GALNT10: variants seen among roughly 807,000 people sequenced by gnomAD.
GALNT10 encodes polypeptide N-acetylgalactosaminyltransferase 10.
GALNT10 carries 41 observed loss-of-function variants against 75.0 expected under a neutral mutation model. The ratio of observed to expected loss-of-function variants is 0.55; its 90% CI spans 0.43 to 0.71. The LOEUF is 0.71. Ranked by LOEUF, GALNT10 falls within the 30% of genes least tolerant of loss-of-function variation. GALNT10 has a pLI of 0.00. For missense variants in GALNT10, 727 were observed against 818.5 expected (o/e 0.89, Z 1.36); for synonymous variants, 302 against 313.0 (o/e 0.96, Z 0.37).
At chr5:154,373,878 A>G (rs1402386479) in intron 4 of GALNT10, among the ~76,000 whole-genome samples, 2 of 152,160 alleles carry the variant, frequency 1.3e-5, no homozygotes, top group African/African-American at 4.8e-5. Context: ...GGGGTGATTT[A>G]GCGATGGGGC....
chr5:154,330,908 G>GTGTGTGTGTGTGTGT (rs1754848603), intron 4 of GALNT10, among the ~76,000 whole-genome samples: 18 of 126,036 alleles, frequency 1.4e-4, no homozygotes, highest in African/African-American at 4.2e-4. Flanking sequence ...AGACAGAGAG[G>GTGTGTGTGTGTGTGT]GTGTGTGTGT....
At chr5:154,363,109 G>A (rs1183117483) in intron 4 of GALNT10, among the ~76,000 whole-genome samples, 2 of 152,200 alleles carry the variant, frequency 1.3e-5, no homozygotes, top group African/African-American at 4.8e-5. Context: ...TACATGTACT[G>A]TTATAGAAAG....
intron 4 of GALNT10, among the ~76,000 whole-genome samples, chr5:154,336,654 C>T (rs1480099451): frequency 6.6e-6 from 1 of 152,076 alleles, no homozygotes; most frequent in Non-Finnish European, 1.5e-5. Flanking sequence ...TTTATAATTT[C>T]TGTTTTCTTT....
chr5:154,262,611 C>A (rs1317239987), intron 1 of GALNT10, among the ~76,000 whole-genome samples: 5 of 152,160 alleles, frequency 3.3e-5, no homozygotes, highest in African/African-American at 4.8e-5. Flanking sequence ...TCCCCTGAGC[C>A]TCCCTGTTGA....
At position 154,402,068 on chromosome 5, in the gene GALNT10, G is replaced by GC. The variant is rs1756178757; in HGVS notation, c.1057-2034dup. Reference sequence around the variant, plus strand: ...GCCTCCCGGGCCTACTCTCCCTGAGGCCTGCCCCATCAGGCTGTTCTCCAC... The same window carrying GC: ...GCCTCCCGGGCCTACTCTCCCTGAGGCCCTGCCCCATCAGGCTGTTCTCCAC... On this transcript the variant is annotated intron_variant, in intron 7 of 11. Transcript: ENST00000297107. This position sits in a 1 kb window ranked among gnomAD's most constrained non-coding sequence, Gnocchi z 4.2. Among the ~76,000 whole-genome samples the GC allele has an allele frequency of 6.6e-6, 1 of 152,160 alleles. No individual in the cohort carries two copies. Among genetic ancestry groups the GC allele is most frequent in the South Asian group, 2.1e-4 (1 of 4,826 alleles).
In GALNT10 at chr5:154,256,799, C is replaced by T. The variant is rs75733594; in HGVS notation, c.160-38017C>T. Among the ~76,000 whole-genome samples, 103 of 152,170 alleles carry T rather than the reference C, an allele frequency of 6.8e-4. 1 individual carries two copies. The East Asian group carries it at 0.016, about 24-fold the overall frequency. Reference sequence around the variant, plus strand: ...TATACAGGCTTCAACAGATGTCTCCCCAAATTCAGATGCTCTCCCAACAGT... The same window carrying T: ...TATACAGGCTTCAACAGATGTCTCCTCAAATTCAGATGCTCTCCCAACAGT... On this transcript the variant is annotated intron_variant, in intron 1 of 11. Transcript: ENST00000297107.
At chr5:154,277,152 G>GGGGCT (rs1753964277) in intron 1 of GALNT10, among the ~76,000 whole-genome samples, 1 of 151,970 alleles carries the variant, frequency 6.6e-6, no homozygotes, top group African/African-American at 2.4e-5. Flanking sequence ...CTGGTCAACT[G>GGGGCT]GGGCTGGGCT....
chr5:154,269,971 G>C (rs147349576), intron 1 of GALNT10, among the ~76,000 whole-genome samples: 282 of 151,710 alleles, frequency 1.9e-3, no homozygotes, highest in African/African-American at 6.5e-3. Context: ...CAGGGATACT[G>C]AGCCCCACAA....
At chr5:154,308,379 G>C (rs1281646548) in intron 3 of GALNT10, among the ~76,000 whole-genome samples, 1 of 152,188 alleles carries the variant, frequency 6.6e-6, no homozygotes, top group Non-Finnish European at 1.5e-5. Context: ...TGGTGATGCT[G>C]AGTTTGGCTC....
intron 3 of GALNT10, among the ~76,000 whole-genome samples, chr5:154,299,546 G>T (rs1197288978): frequency 2.6e-5 from 4 of 152,200 alleles, no homozygotes; most frequent in Non-Finnish European, 5.9e-5. Flanking sequence ...CCACCTATAA[G>T]ATCTCAATCA....
At chr5:154,276,495 C>T (rs544873481) in intron 1 of GALNT10, among the ~76,000 whole-genome samples, 44 of 152,244 alleles carry the variant, frequency 2.9e-4, no homozygotes, top group Non-Finnish European at 4.6e-4. Context: ...TGCCATATAA[C>T]TTGATGTAAT....
chr5:154,278,224 T>C (rs1227313229), intron 1 of GALNT10, among the ~76,000 whole-genome samples: 2 of 149,102 alleles, frequency 1.3e-5, no homozygotes, highest in Non-Finnish European at 3.0e-5. Context: ...GATTGCACAC[T>C]GCCAAGGGGA....
In GALNT10 at chr5:154,412,978, T is replaced by G. The variant is rs1465273783; in HGVS notation, c.1476T>G (p.Arg492=). 8 of 1,612,200 alleles carry G rather than the reference T, an allele frequency of 5.0e-6. No homozygotes were observed. Among genetic ancestry groups the G allele is most frequent in the Middle Eastern group, 1.7e-4 (1 of 6,058 alleles). The change falls in exon 10 of 12, where the codon CGT becomes CGG. Residue 492 remains arginine (R), a synonymous_variant. Transcript: ENST00000297107. The surrounding 1 kb of genome is among the most constrained non-coding windows in gnomAD (Gnocchi z 4.2). ...PLRLEGCVRG[R]GEAAWNNMQV... ...GGCTAGAGGGCTGCGTCCGAGGCCG[T>G]GGGGAGGCTGCCTGGAACAACATGC...
At chr5:154,209,505 C>T (rs1775162041) in intron 1 of GALNT10, among the ~76,000 whole-genome samples, 1 of 152,124 alleles carries the variant, frequency 6.6e-6, no homozygotes, top group East Asian at 1.9e-4. Context: ...ATTTATTGCT[C>T]ACAGTTCTGG....
intron 1 of GALNT10, among the ~76,000 whole-genome samples, chr5:154,239,176 A>C (rs1024257510): frequency 2.0e-5 from 3 of 152,106 alleles, no homozygotes; most frequent in Admixed American, 2.0e-4. Flanking sequence ...AGTCTTTCTG[A>C]GATAACTCTG....
At chr5:154,196,151 G>A (rs1252421878) in intron 1 of GALNT10, among the ~76,000 whole-genome samples, 3 of 152,112 alleles carry the variant, frequency 2.0e-5, no homozygotes, top group African/African-American at 7.2e-5. Context: ...TCGAACTCCC[G>A]ACCTCAGGTG....
At chr5:154,198,907 G>A (rs12519333) in intron 1 of GALNT10, among the ~76,000 whole-genome samples, 2 of 152,186 alleles carry the variant, frequency 1.3e-5, no homozygotes, top group Non-Finnish European at 2.9e-5. Flanking sequence ...GGGCAGCCTA[G>A]GTTAGCATTC....
At chr5:154,403,923 C>T in intron 7 of GALNT10, 181 bp from the exon 8 acceptor site, 1 of 671,504 alleles carries the variant, frequency 1.5e-6, no homozygotes, top group Non-Finnish European at 2.8e-6. Context: ...TCAGTGCTGT[C>T]AGCTGTTTTT....
At chr5:154,408,060 T>C (rs1756317401) in intron 8 of GALNT10, among the ~76,000 whole-genome samples, 1 of 152,210 alleles carries the variant, frequency 6.6e-6, no homozygotes, top group African/African-American at 2.4e-5. Flanking sequence ...AGAAGAATAT[T>C]TTGTGATACA....
Sources: allele counts gnomAD v4.1 joint callset (sites outside exome capture counted in the v4.1 genomes callset), GRCh38; gene constraint gnomAD v4.1.1; non-coding constraint Gnocchi (gnomAD v3.1); transcripts MANE v1.5; gene names NCBI Gene and HGNC (gene_info 2026-07-23, HGNC 2026-07-21).